The following TASP1 variants were observed in gnomAD, a reference collection of about 807,000 sequenced individuals.
TASP1 encodes the protein threonine aspartase 1.
TASP1 carries 16 observed loss-of-function variants against 56.6 expected under a neutral mutation model. The observed-to-expected ratio is 0.28, with a 90% CI of 0.19 to 0.43. The LOEUF is 0.43. Among genes scored for constraint, TASP1 ranks in the 20% least tolerant of loss-of-function variants. The pLI is 1.00. For synonymous variants in TASP1, 179 were observed against 184.2 expected (o/e 0.97, Z 0.23); for missense variants, 393 against 511.6 (o/e 0.77, Z 2.24).
At chr20:13,428,059 T>C (rs1320174060) in intron 12 of TASP1, among the ~76,000 whole-genome samples, 8 of 152,288 alleles carry the variant, frequency 5.3e-5, no homozygotes, top group Non-Finnish European at 1.2e-4. Context: ...AAGCCACTGG[T>C]TAAACACACA....
At chr20:13,414,024 A>G (rs1200427728) in intron 13 of TASP1, among the ~76,000 whole-genome samples, 2 of 152,212 alleles carry the variant, frequency 1.3e-5, no homozygotes, top group Non-Finnish European at 2.9e-5. Context: ...TTTACTAACC[A>G]TATTCCAATT....
At chr20:13,430,293 T>C (rs1237227578) in intron 12 of TASP1, among the ~76,000 whole-genome samples, 2 of 152,198 alleles carry the variant, frequency 1.3e-5, no homozygotes, top group Non-Finnish European at 2.9e-5. Context: ...CAGCAAACAC[T>C]TATTATCTCA....
At chr20:13,297,435 T>C in the TASP1 span, among the ~76,000 whole-genome samples, 3 of 152,218 alleles carry the variant, frequency 2.0e-5, no homozygotes, top group Admixed American at 1.3e-4. Flanking sequence ...TGCCTCTGTT[T>C]CCTGAAATCA....
intron 8 of TASP1, among the ~76,000 whole-genome samples, chr20:13,542,435 C>A (rs2045658805): frequency 6.6e-6 from 1 of 152,112 alleles, no homozygotes; most frequent in Admixed American, 6.6e-5. Context: ...GGTATTTCAA[C>A]ATGTTTCTCT....
chr20:13,164,940 A>G, the TASP1 span: 2 of 1,270,554 alleles, frequency 1.6e-6, no homozygotes, highest in East Asian at 2.5e-5. Flanking sequence ...AGGAATATAA[A>G]TGGATTTCTC....
chr20:13,127,221 A>G, the TASP1 span, among the ~76,000 whole-genome samples: 1 of 152,250 alleles, frequency 6.6e-6, no homozygotes, highest in African/African-American at 2.4e-5. Flanking sequence ...GACCAGAGCT[A>G]AACTGTGCTA....
chr20:13,217,965 G>GAGGGC, the TASP1 span, among the ~76,000 whole-genome samples: 2 of 152,134 alleles, frequency 1.3e-5, no homozygotes, highest in South Asian at 4.1e-4. Flanking sequence ...AAAGGAAAGA[G>GAGGGC]AGGGCTGGGC....
At chr20:13,431,669 T>A (rs1461814860) in intron 12 of TASP1, among the ~76,000 whole-genome samples, 1 of 152,178 alleles carries the variant, frequency 6.6e-6, no homozygotes, top group Non-Finnish European at 1.5e-5. Context: ...GAATGTTTGT[T>A]TCCTCCAAAA....
chr20:13,626,065 C>A (rs2048876003), intron 2 of TASP1, among the ~76,000 whole-genome samples: 1 of 152,168 alleles, frequency 6.6e-6, no homozygotes, highest in Non-Finnish European at 1.5e-5. Flanking sequence ...ATTAATGGAG[C>A]ACTGAACCAC....
At chr20:13,600,017 A>G (rs982460254) in intron 4 of TASP1, among the ~76,000 whole-genome samples, 2 of 152,204 alleles carry the variant, frequency 1.3e-5, no homozygotes, top group Non-Finnish European at 2.9e-5. Context: ...TGGAAATTAA[A>G]TGTTTTTAAT....
chr20:13,465,086 G>A (rs1046480959), intron 11 of TASP1, among the ~76,000 whole-genome samples: 5 of 148,982 alleles, frequency 3.4e-5, no homozygotes, highest in Admixed American at 6.8e-5. Context: ...TGGGAGGATC[G>A]CTTAAGCCCA....
chr20:13,629,541 G>A lies in TASP1; in HGVS notation c.145+393C>T, dbSNP rs1010962542. Among the ~76,000 whole-genome samples the A allele has an allele frequency of 6.6e-5, 10 of 151,408 alleles. 1 individual carries two copies. The highest frequency in any genetic ancestry group is 2.6e-4 in the Admixed American group (4 of 15,210). ...GGCTGGAGCGCAGTGGCATGATGTC[G>A]GCTCACTGCAACCTCCACCTCCTGG... On this transcript the variant is annotated intron_variant, in intron 2 of 13. Transcript: ENST00000337743.
At chr20:13,133,462 G>A in the TASP1 span, among the ~76,000 whole-genome samples, 8 of 152,166 alleles carry the variant, frequency 5.3e-5, no homozygotes, top group African/African-American at 1.9e-4. Flanking sequence ...GGTCGGGCAT[G>A]GTGGCTCACA....
chr20:13,453,718 T>A, intron 11 of TASP1, among the ~76,000 whole-genome samples: 1 of 152,080 alleles, frequency 6.6e-6, no homozygotes, highest in East Asian at 1.9e-4. Flanking sequence ...GATGATGGGA[T>A]TACATCAGTA....
At chr20:13,240,876 A>G in the TASP1 span, among the ~76,000 whole-genome samples, 1 of 152,166 alleles carries the variant, frequency 6.6e-6, no homozygotes. Context: ...CCAGTTTCAC[A>G]AGGGTAGAGT....
At chr20:13,604,491 G>A (rs2048073811) in intron 4 of TASP1, among the ~76,000 whole-genome samples, 1 of 152,076 alleles carries the variant, frequency 6.6e-6, no homozygotes, top group Non-Finnish European at 1.5e-5. Context: ...CTGGTGTCAT[G>A]CTTGTATAGC....
chr20:13,489,663 C>T (rs1247094498), intron 10 of TASP1, among the ~76,000 whole-genome samples: 2 of 152,152 alleles, frequency 1.3e-5, no homozygotes, highest in Non-Finnish European at 2.9e-5. Flanking sequence ...ATCTGTTACA[C>T]GAGGTTTTCT....
At chr20:13,538,467 T>G (rs550192875) in intron 8 of TASP1, among the ~76,000 whole-genome samples, 5 of 152,348 alleles carry the variant, frequency 3.3e-5, no homozygotes, top group African/African-American at 1.2e-4. Context: ...CACAAATGCA[T>G]TCTTTGAAAA....
At chr20:13,134,740 GCAAA>G in the TASP1 span, among the ~76,000 whole-genome samples, 1 of 151,926 alleles carries the variant, frequency 6.6e-6, no homozygotes, top group Non-Finnish European at 1.5e-5. Flanking sequence ...TCTGGCAGAT[GCAAA>G]CAAAGGTAAA....
Sources: allele counts gnomAD v4.1 joint callset (sites outside exome capture counted in the v4.1 genomes callset), GRCh38; gene constraint gnomAD v4.1.1; transcripts MANE v1.5; gene names NCBI Gene and HGNC (gene_info 2026-07-23, HGNC 2026-07-21).